Variants in RBBP8 observed in about 807,000 individuals in gnomAD.
RBBP8 encodes DNA endonuclease RBBP8.
In RBBP8, 88 loss-of-function variants were observed where a neutral mutation model predicts 108.3. That is an observed-to-expected ratio of 0.81 (90% CI 0.68 to 0.97). The LOEUF (loss-of-function observed/expected upper bound fraction) is 0.97. Ranked by LOEUF, RBBP8 falls within the 50% of genes least tolerant of loss-of-function variation. RBBP8 has a pLI of 0.00. For missense variants in RBBP8, 1,023 were observed against 1,049.0 expected (o/e 0.98, Z 0.34); for synonymous variants, 332 against 348.2 (o/e 0.95, Z 0.52).
At chr18:22,966,601 T>G (rs1368587019) in intron 4 of RBBP8, among the ~76,000 whole-genome samples, 1 of 151,094 alleles carries the variant, frequency 6.6e-6, no homozygotes, top group East Asian at 1.9e-4. Flanking sequence ...AAGTCTATGT[T>G]CTTTTATTTT....
At chr18:22,994,641 C>A (rs1276579591) in intron 12 of RBBP8, among the ~76,000 whole-genome samples, 5 of 138,088 alleles carry the variant, frequency 3.6e-5, no homozygotes, top group Non-Finnish European at 6.2e-5. Context: ...AGCAAGACTC[C>A]GTCTCAAAAA....
At chr18:22,945,075 T>TA (rs75056088) in intron 2 of RBBP8, among the ~76,000 whole-genome samples, 31,758 of 152,110 alleles carry the variant, frequency 0.21, 3,604 homozygotes, top group East Asian at 0.4. Context: ...AGGCATATAG[T>TA]AAATATTCTT....
At chr18:22,986,693 T>C (rs796189704) in intron 8 of RBBP8, among the ~76,000 whole-genome samples, 13 of 152,190 alleles carry the variant, frequency 8.5e-5, no homozygotes, top group African/African-American at 3.1e-4. Flanking sequence ...TCAGAGGAGA[T>C]GAGATCCAGA....
rs138871057 is a variant in RBBP8, at chr18:22,947,210, A to G, written c.152+724A>G. On this transcript the variant is annotated intron_variant, in intron 3 of 18. Coordinates refer to ENST00000327155, the MANE Select transcript of RBBP8 (RefSeq NM_002894.3). ...TAAAATTATTTTAATTAAGAAATTT[A>G]AAGAATTGTAAAGACAAAAAAAATT... Among the ~76,000 whole-genome samples the G allele has an allele frequency of 2.6e-3, 398 of 152,234 alleles. 2 individuals are homozygous for G. The highest frequency in any genetic ancestry group is 9.0e-3 in the African/African-American group (375 of 41,580).
Position 23,026,393 on chromosome 18 carries a change from G to T in RBBP8, c.*153G>T, listed in dbSNP as rs2046452189. On this transcript the variant is annotated 3_prime_UTR_variant, in exon 19 of 19. Transcript: ENST00000327155. ...AAAATGTTTGTGATATTTTGCTTTT[G>T]CACCTTTAAAACAATAAGGCGCTTT... 2.7e-6 allele frequency: 2 copies of T among 742,978 alleles called. No individual in the cohort carries two copies. The highest frequency in any genetic ancestry group is 5.0e-5 in the Admixed American group (2 of 40,056). The allele number at this position is 742,978 out of a possible 1,614,324, so 46.0% of individuals were successfully genotyped here. A position where few individuals can be genotyped will look rare whatever the true frequency, so the allele number is the denominator to read the frequency against.
chr18:22,924,086 C>T (rs79849827), intron 3 of RBBP8, among the ~76,000 whole-genome samples: 26 of 151,284 alleles, frequency 1.7e-4, no homozygotes, highest in Admixed American at 7.2e-4. Flanking sequence ...CTTTTAGTTA[C>T]CTCCTACAGT....
chr18:22,998,070 A>G (rs2045890105), intron 14 of RBBP8, among the ~76,000 whole-genome samples: 1 of 152,136 alleles, frequency 6.6e-6, no homozygotes, highest in African/African-American at 2.4e-5. Context: ...ACAGCTGCAG[A>G]GTTGAGTAGT....
Position 22,981,153 on chromosome 18 carries a change from G to C in RBBP8, c.429-1065G>C, listed in dbSNP as rs184149565. Reference sequence around the variant, plus strand: ...ACCCAGCTAATTTTTTGTATTTTTAGTAGAGACAGGGTTTCACCGTGTTAG... The same window carrying C: ...ACCCAGCTAATTTTTTGTATTTTTACTAGAGACAGGGTTTCACCGTGTTAG... On this transcript the variant is annotated intron_variant, in intron 6 of 18. Coordinates refer to ENST00000327155, the MANE Select transcript of RBBP8 (RefSeq NM_002894.3). Among the ~76,000 whole-genome samples the C allele has an allele frequency of 1.7e-4, 26 of 151,356 alleles. 1 individual carries two copies. In the East Asian group the frequency reaches 3.9e-3, roughly 23 times the overall value.
At chr18:22,970,966 A>G (rs1431913531) in intron 5 of RBBP8, among the ~76,000 whole-genome samples, 3 of 152,158 alleles carry the variant, frequency 2.0e-5, no homozygotes, top group African/African-American at 7.2e-5. Context: ...ATCCATCTGG[A>G]ATTTTTAACA....
intron 14 of RBBP8, among the ~76,000 whole-genome samples, chr18:22,999,590 T>C (rs547869652): frequency 6.6e-6 from 1 of 152,062 alleles, no homozygotes; most frequent in South Asian, 2.1e-4. Flanking sequence ...GGGAGGAGTG[T>C]TGACATCATG....
At chr18:22,961,181 A>C (rs1318366247) in intron 4 of RBBP8, among the ~76,000 whole-genome samples, 1 of 152,266 alleles carries the variant, frequency 6.6e-6, no homozygotes. Context: ...AATGACAAAA[A>C]AGAAAAACTT....
Position 23,017,677 on chromosome 18 carries a change from C to CTTTTAACCTTTTAATTTTTACCTTTT in RBBP8, c.2454+753_2454+754insTTTTAACCTTTTAATTTTTACCTTTT, listed in dbSNP as rs1351316926. ...TCAAAAAAAAAAAAATTATTTTTAC[C>CTTTTAACCTTTTAATTTTTACCTTTT]AACATTCTCAGGAAATTAGGTATAC... On this transcript the variant is annotated intron_variant, in intron 17 of 18. Coordinates refer to ENST00000327155, the MANE Select transcript of RBBP8 (RefSeq NM_002894.3). Among the ~76,000 whole-genome samples, 6 of 149,580 alleles carry CTTTTAACCTTTTAATTTTTACCTTTT rather than the reference C, an allele frequency of 4.0e-5. No individual in the cohort carries two copies. The East Asian group carries it at 1.2e-3, about 29-fold the overall frequency.
chr18:23,026,316 C>A lies in RBBP8; in HGVS notation c.*76C>A. 8.2e-7 allele frequency: 1 copy of A among 1,216,100 alleles called. No individual in the cohort carries two copies. Among genetic ancestry groups the A allele is most frequent in the Non-Finnish European group, 1.2e-6 (1 of 834,140 alleles). The allele number at this position is 1,216,100 out of a possible 1,614,324, so 75.3% of individuals were successfully genotyped here. ...ATTTATAGTTAAAGTTGGTACTAAA[C>A]ATTGATTTTTTTGATCTTCTGTAAA... is the stretch of plus-strand genomic sequence containing the variant. On this transcript the variant is annotated 3_prime_UTR_variant, in exon 19 of 19. Coordinates refer to ENST00000327155, the MANE Select transcript of RBBP8 (RefSeq NM_002894.3).
chr18:22,982,225 CA>C lies in RBBP8; in HGVS notation c.438del (p.Gln146HisfsTer20). The C allele has an allele frequency of 6.2e-7, 1 of 1,613,314 alleles. No individual in the cohort carries two copies. Among genetic ancestry groups the C allele is most frequent in the Non-Finnish European group, 8.5e-7 (1 of 1,179,340 alleles). On this transcript the variant is annotated frameshift_variant, in exon 7 of 19. Transcript: ENST00000327155. LOFTEE classifies it high-confidence loss of function. ...EQLQQKIEND[Q>X]QHQAAELECE... ...ATTGTCATTCTTCTCTAGGAATGAT[CA>C]ACAGCATCAAGCAGCTGAGCTTGAA...
At chr18:22,994,506 G>A (rs1222279182) in intron 12 of RBBP8, among the ~76,000 whole-genome samples, 2 of 149,228 alleles carry the variant, frequency 1.3e-5, no homozygotes, top group African/African-American at 4.9e-5. Context: ...GCCAGGCATG[G>A]TGGCAGGCGC....
intron 13 of RBBP8, among the ~76,000 whole-genome samples, chr18:22,996,950 A>T (rs1218108836): frequency 6.6e-6 from 1 of 152,186 alleles, no homozygotes; most frequent in Admixed American, 6.5e-5. Flanking sequence ...GTGAGGTATG[A>T]TCACACCACT....
At chr18:22,987,733 C>T (rs897323758) in intron 8 of RBBP8, among the ~76,000 whole-genome samples, 36 of 152,312 alleles carry the variant, frequency 2.4e-4, no homozygotes, top group Admixed American at 2.1e-3. Context: ...GGATTACAGG[C>T]GTGAACCACT....
intron 14 of RBBP8, among the ~76,000 whole-genome samples, chr18:23,001,268 T>C (rs1321150705): frequency 1.3e-5 from 2 of 152,232 alleles, no homozygotes; most frequent in East Asian, 3.8e-4. Context: ...AAGAATACTC[T>C]GCAAAGTAAG....
intron 1 of RBBP8, among the ~76,000 whole-genome samples, chr18:22,934,937 A>G (rs1205071773): frequency 6.7e-6 from 1 of 149,654 alleles, no homozygotes; most frequent in Non-Finnish European, 1.5e-5. Context: ...TAGGTAGAAT[A>G]TAAATATTCT....
Sources: gnomAD v4.1 joint callset for allele counts (sites outside exome capture counted in the v4.1 genomes callset) on GRCh38, gnomAD v4.1.1 for gene constraint, MANE v1.5 for transcripts, NCBI Gene and HGNC (gene_info 2026-07-23, HGNC 2026-07-21) for gene names.